Variants in DTNA observed in about 807,000 individuals in gnomAD.
The protein encoded by DTNA is dystrobrevin alpha, also known as dystrophin-related protein 3.
In DTNA, 43 loss-of-function variants were observed where a neutral mutation model predicts 100.7. That is an observed-to-expected ratio of 0.43 (90% CI 0.33 to 0.55). The LOEUF (loss-of-function observed/expected upper bound fraction) is 0.55. Among genes scored for constraint, DTNA ranks in the 20% least tolerant of loss-of-function variants. The pLI, the probability that DTNA is intolerant of heterozygous loss-of-function variation, is 0.04. For synonymous variants in DTNA, 349 were observed against 347.9 expected (o/e 1.00, Z -0.04); for missense variants, 798 against 953.9 (o/e 0.84, Z 2.15).
At position 34,664,902 on chromosome 18, in the gene DTNA, CT is replaced by C. The variant is rs201334311; in HGVS notation, c.-1-91067del. ...ACCTCTGATGTAGGATATGGGATCC[CT>C]TTTTTTAACCCCAAAGTAGCATGGC... is the stretch of plus-strand genomic sequence containing the variant. On this transcript the variant is annotated intron_variant, in intron 1 of 19. Transcript: ENST00000283365. Among the ~76,000 whole-genome samples the C allele has an allele frequency of 2.2e-3, 332 of 151,868 alleles. 1 individual carries two copies. Among genetic ancestry groups the C allele is most frequent in the African/African-American group, 7.4e-3 (308 of 41,448 alleles).
chr18:34,609,866 TA>T (rs1044573212), intron 1 of DTNA, among the ~76,000 whole-genome samples: 2 of 152,182 alleles, frequency 1.3e-5, no homozygotes, highest in African/African-American at 4.8e-5. Context: ...AAATAGGAAG[TA>T]AAATTCTAAA....
chr18:34,681,423 C>T (rs2078088364), intron 1 of DTNA, among the ~76,000 whole-genome samples: 1 of 151,982 alleles, frequency 6.6e-6, no homozygotes, highest in South Asian at 2.1e-4. Flanking sequence ...AATGAATTTT[C>T]ACAAAGTGTA....
At chr18:34,511,561 T>C (rs2041097090) in intron 1 of DTNA, among the ~76,000 whole-genome samples, 1 of 152,014 alleles carries the variant, frequency 6.6e-6, no homozygotes, top group Non-Finnish European at 1.5e-5. Flanking sequence ...TCCTAGTTGG[T>C]GAAGAAGAAA....
intron 1 of DTNA, among the ~76,000 whole-genome samples, chr18:34,514,547 G>A (rs553539520): frequency 1.3e-5 from 2 of 152,210 alleles, no homozygotes; most frequent in African/African-American, 4.8e-5. Flanking sequence ...AGAAGAAATG[G>A]GGTACTGAAG....
At chr18:34,756,175 A>T (rs937020189) in intron 2 of DTNA, 132 bp downstream of exon 2, 2 of 1,102,012 alleles carry the variant, frequency 1.8e-6, no homozygotes, top group African/African-American at 1.6e-5. Flanking sequence ...TGAAGTGTAC[A>T]TTTTGGCCTT....
chr18:34,730,724 G>C (rs544950594), intron 1 of DTNA, among the ~76,000 whole-genome samples: 1 of 152,268 alleles, frequency 6.6e-6, no homozygotes, highest in Non-Finnish European at 1.5e-5. Flanking sequence ...TGGAGTTACT[G>C]TCCCCTAACC....
intron 19 of DTNA, among the ~76,000 whole-genome samples, chr18:34,878,320 A>G (rs2096839192): frequency 6.6e-6 from 1 of 152,216 alleles, no homozygotes; most frequent in African/African-American, 2.4e-5. Context: ...CTATTAACAC[A>G]TACTCAATGT....
At chr18:34,735,996 T>C (rs1359466815) in intron 1 of DTNA, among the ~76,000 whole-genome samples, 1 of 152,190 alleles carries the variant, frequency 6.6e-6, no homozygotes, top group African/African-American at 2.4e-5. Flanking sequence ...TTACTACTTT[T>C]GGAATTTATT....
At position 34,795,056 on chromosome 18, in the gene DTNA, A is replaced by G. The variant is rs1383765780; in HGVS notation, c.362+806A>G. ...ACAATTTCAAGAGGGCTTTTTGCCA[A>G]TAGCCTCCAACCTGGACGTAGTACC... On this transcript the variant is annotated intron_variant, in intron 4 of 22. Coordinates refer to ENST00000444659, the MANE Select transcript of DTNA (RefSeq NM_001386795.1). Among the ~76,000 whole-genome samples the G allele has an allele frequency of 2.0e-5, 3 of 152,188 alleles. No homozygotes were observed. In the South Asian group the frequency reaches 6.2e-4, roughly 31 times the overall value.
intron 1 of DTNA, among the ~76,000 whole-genome samples, chr18:34,546,047 T>A (rs553403736): frequency 2.0e-5 from 3 of 152,160 alleles, no homozygotes; most frequent in African/African-American, 7.2e-5. Flanking sequence ...GTGGGAAGAA[T>A]GTTTAAAATA....
chr18:34,790,000 C>T (rs535939480), intron 3 of DTNA, among the ~76,000 whole-genome samples: 1 of 152,306 alleles, frequency 6.6e-6, no homozygotes, highest in Non-Finnish European at 1.5e-5. Context: ...ATTAGACTGA[C>T]AGTATACCTA....
chr18:34,506,160 A>T (rs2040470501), intron 1 of DTNA, among the ~76,000 whole-genome samples: 1 of 152,202 alleles, frequency 6.6e-6, no homozygotes, highest in Non-Finnish European at 1.5e-5. Flanking sequence ...CTCTCCACTG[A>T]CACACTAGGG....
At chr18:34,609,180 T>G (rs943730707) in intron 1 of DTNA, among the ~76,000 whole-genome samples, 1 of 151,754 alleles carries the variant, frequency 6.6e-6, no homozygotes, top group African/African-American at 2.4e-5. Flanking sequence ...TTGTAAGCTT[T>G]CTTTATTGTA....
At chr18:34,810,636 G>A (rs1350262590) in intron 5 of DTNA, among the ~76,000 whole-genome samples, 1 of 152,098 alleles carries the variant, frequency 6.6e-6, no homozygotes, top group Non-Finnish European at 1.5e-5. Context: ...TAGCACTGTA[G>A]GGTGACTATA....
At chr18:34,606,900 G>A (rs1316787579) in intron 1 of DTNA, among the ~76,000 whole-genome samples, 1 of 152,134 alleles carries the variant, frequency 6.6e-6, no homozygotes, top group Non-Finnish European at 1.5e-5. Context: ...ACATGGAAGG[G>A]TTTTCATGTC....
intron 17 of DTNA, chr18:34,866,733 T>A: frequency 1.0e-6 from 1 of 989,920 alleles, no homozygotes; most frequent in Non-Finnish European, 1.2e-6. Context: ...TAACTGACTA[T>A]TCACGTCCCA....
intron 1 of DTNA, among the ~76,000 whole-genome samples, chr18:34,589,050 A>G (rs1331841707): frequency 2.0e-5 from 3 of 151,492 alleles, no homozygotes; most frequent in Non-Finnish European, 2.9e-5. Flanking sequence ...TGTAATTAGT[A>G]TATTTGTACA....
In DTNA at chr18:34,674,753, A is replaced by G. The variant is rs549430368; in HGVS notation, c.-1-81223A>G. On this transcript the variant is annotated intron_variant, in intron 1 of 19. Coordinates refer to the DTNA transcript ENST00000283365. ...AAGCATTTAGTGATGATTGCTATTCATCATTAAAGATTATGTACTAGAGAT... is the reference window on the plus strand; with the variant it reads ...AAGCATTTAGTGATGATTGCTATTCGTCATTAAAGATTATGTACTAGAGAT... 4.6e-5 allele frequency among the ~76,000 whole-genome samples: 7 copies of G among 152,354 alleles called. No individual in the cohort carries two copies. The South Asian group carries it at 6.2e-4, about 14-fold the overall frequency.
At chr18:34,595,282 C>T (rs79814456) in intron 1 of DTNA, among the ~76,000 whole-genome samples, 192 of 152,204 alleles carry the variant, frequency 1.3e-3, no homozygotes, top group African/African-American at 4.3e-3. Flanking sequence ...CACATGTAGG[C>T]ATACCTTTTA....
Sources: allele counts gnomAD v4.1 joint callset (sites outside exome capture counted in the v4.1 genomes callset), GRCh38; gene constraint gnomAD v4.1.1; transcripts MANE v1.5; gene names NCBI Gene and HGNC (gene_info 2026-07-23, HGNC 2026-07-21).